The following TSHZ3 variants were observed in gnomAD, a reference collection of about 807,000 sequenced individuals.
TSHZ3 encodes teashirt zinc finger homeobox 3.
Under a neutral mutation model 64.5 loss-of-function variants are expected in TSHZ3, and 10 were observed. That is an observed-to-expected ratio of 0.16 (90% CI 0.10 to 0.26). The LOEUF is 0.26. Among genes scored for constraint, TSHZ3 ranks in the 10% least tolerant of loss-of-function variants. The pLI, the probability that TSHZ3 is intolerant of heterozygous loss-of-function variation, is 1.00. For missense variants in TSHZ3, 1,242 were observed against 1,421.7 expected (o/e 0.87, Z 2.03); for synonymous variants, 608 against 593.1 (o/e 1.03, Z -0.36).
In TSHZ3 at chr19:31,236,510, C is replaced by T. The variant is rs12975316; in HGVS notation, n.550+5759G>A. Reference sequence around the variant, plus strand: ...ATTTGGTCTTTATTGTTAAATTGTTCGAGTTCTTTTAAAATTTTGGATATT... The same window carrying T: ...ATTTGGTCTTTATTGTTAAATTGTTTGAGTTCTTTTAAAATTTTGGATATT... On this transcript the variant is annotated intron_variant and non_coding_transcript_variant, in intron 3 of 6. Coordinates refer to the TSHZ3 transcript ENST00000651361. Among the ~76,000 whole-genome samples, 1,063 of 152,140 alleles carry T rather than the reference C, an allele frequency of 7.0e-3. 7 individuals carry two copies. Among genetic ancestry groups the T allele is most frequent in the Non-Finnish European group, 0.01 (701 of 67,994 alleles).
chr19:31,171,525 T>TA (rs1974534762), intron 5 of TSHZ3, among the ~76,000 whole-genome samples: 1 of 151,896 alleles, frequency 6.6e-6, no homozygotes, highest in African/African-American at 2.4e-5. Flanking sequence ...AGAGAATCAG[T>TA]TTCCTGAGAA....
intron 1 of TSHZ3, among the ~76,000 whole-genome samples, chr19:31,331,256 G>A (rs980730137): frequency 1.3e-5 from 2 of 152,140 alleles, no homozygotes; most frequent in African/African-American, 2.4e-5. Context: ...AAACATGTCT[G>A]TAAAACCGCT....
At chr19:31,241,555 T>TG (rs976707679) in intron 3 of TSHZ3, among the ~76,000 whole-genome samples, 41 of 152,206 alleles carry the variant, frequency 2.7e-4, no homozygotes, top group African/African-American at 9.9e-4. Flanking sequence ...TCCATGCACG[T>TG]GCAGTCTGGT....
chr19:31,157,569 C>CA (rs1974321411), intron 5 of TSHZ3, among the ~76,000 whole-genome samples: 2 of 152,056 alleles, frequency 1.3e-5, no homozygotes, highest in East Asian at 1.9e-4. Flanking sequence ...ATCACCAATA[C>CA]AAAAAAATGT....
In TSHZ3 at chr19:31,184,150, A is replaced by G. The variant is rs764086980; in HGVS notation, n.809+20806T>C. On this transcript the variant is annotated intron_variant and non_coding_transcript_variant, in intron 5 of 6. Coordinates refer to the TSHZ3 transcript ENST00000651361. ...GGTGAGAGTTCAAAAGCAAAGACCA[A>G]AAAAGGATGTATTTTTTCTTTTTTG... is the stretch of plus-strand genomic sequence containing the variant. Among the ~76,000 whole-genome samples, 13 of 152,172 alleles carry G rather than the reference A, an allele frequency of 8.5e-5. 1 individual carries two copies. Among genetic ancestry groups the G allele is most frequent in the Admixed American group, 2.0e-4 (3 of 15,278 alleles).
intron 3 of TSHZ3, among the ~76,000 whole-genome samples, chr19:31,241,449 A>G (rs1904875393): frequency 6.6e-6 from 1 of 152,254 alleles, no homozygotes; most frequent in Admixed American, 6.5e-5. Flanking sequence ...ATCCAGCCCC[A>G]CCACACTGCC....
intron 1 of TSHZ3, among the ~76,000 whole-genome samples, chr19:31,249,823 GC>G (rs1975811928): frequency 6.6e-6 from 1 of 152,172 alleles, no homozygotes; most frequent in Non-Finnish European, 1.5e-5. Context: ...TGTAAAGACA[GC>G]ACTGTCCAGT....
intron 1 of TSHZ3, among the ~76,000 whole-genome samples, chr19:31,245,827 G>A (rs1975752160): frequency 6.6e-6 from 1 of 152,176 alleles, no homozygotes. Flanking sequence ...ATTCATTGCA[G>A]GTAGTGTGGC....
At chr19:31,268,285 T>A (rs561471590) in intron 1 of TSHZ3, among the ~76,000 whole-genome samples, 1 of 152,286 alleles carries the variant, frequency 6.6e-6, no homozygotes, top group Non-Finnish European at 1.5e-5. Context: ...GTGTGCTCTC[T>A]TTCTCCCTGG....
intron 1 of TSHZ3, among the ~76,000 whole-genome samples, chr19:31,286,856 G>A (rs575584200): frequency 2.0e-5 from 3 of 152,314 alleles, no homozygotes; most frequent in South Asian, 2.1e-4. Context: ...GATGACAAAC[G>A]TATCATGTCC....
intron 1 of TSHZ3, among the ~76,000 whole-genome samples, chr19:31,302,756 C>T (rs748320268): frequency 1.1e-4 from 16 of 152,106 alleles, no homozygotes; most frequent in Non-Finnish European, 2.4e-4. Flanking sequence ...CACATTCATC[C>T]TCAAATTGCA....
intron 4 of TSHZ3, among the ~76,000 whole-genome samples, chr19:31,225,164 T>C (rs191885572): frequency 6.6e-6 from 1 of 152,324 alleles, no homozygotes; most frequent in African/African-American, 2.4e-5. Context: ...CATTTAGAAG[T>C]GAGGCCATGT....
chr19:31,176,781 G>C (rs1389375452), intron 5 of TSHZ3, among the ~76,000 whole-genome samples: 2 of 151,990 alleles, frequency 1.3e-5, no homozygotes, highest in African/African-American at 4.8e-5. Flanking sequence ...CAGAGACTCT[G>C]TCTCTTAAAA....
chr19:31,312,861 C>T (rs950610672), intron 1 of TSHZ3, among the ~76,000 whole-genome samples: 4 of 152,148 alleles, frequency 2.6e-5, no homozygotes, highest in African/African-American at 9.7e-5. Flanking sequence ...AGGCATTAGA[C>T]TCCGGTAGGA....
chr19:31,288,248 A>T (rs975542120), intron 1 of TSHZ3, among the ~76,000 whole-genome samples: 5 of 152,160 alleles, frequency 3.3e-5, no homozygotes, highest in African/African-American at 1.2e-4. Flanking sequence ...ACTCATGCAC[A>T]CCAGTCTCTG....
intron 1 of TSHZ3, among the ~76,000 whole-genome samples, chr19:31,255,187 CAG>C (rs1305435660): frequency 6.6e-6 from 1 of 152,138 alleles, no homozygotes; most frequent in Non-Finnish European, 1.5e-5. Flanking sequence ...CCAAATTTTG[CAG>C]AGTGTTTTGA....
At chr19:31,293,030 A>AATCCATCCATCCATCCATCCATCCATCC (rs1042589257) in intron 1 of TSHZ3, among the ~76,000 whole-genome samples, 4 of 121,040 alleles carry the variant, frequency 3.3e-5, no homozygotes, top group Non-Finnish European at 5.3e-5. Flanking sequence ...TCCATCCAAA[A>AATCCATCCATCCATCCATCCATCCATCC]ATCCATCCAT....
At chr19:31,210,064 G>A (rs1975243760) in intron 4 of TSHZ3, among the ~76,000 whole-genome samples, 1 of 152,118 alleles carries the variant, frequency 6.6e-6, no homozygotes, top group South Asian at 2.1e-4. Context: ...GTTGGTAGAT[G>A]GGAGGGTGAA....
chr19:31,173,019 A>T (rs571779428), intron 5 of TSHZ3, among the ~76,000 whole-genome samples: 5 of 152,338 alleles, frequency 3.3e-5, no homozygotes, highest in South Asian at 4.1e-4. Context: ...TAAGGGCTCT[A>T]GCTCATGCTT....
Sources: allele counts gnomAD v4.1 joint callset (sites outside exome capture counted in the v4.1 genomes callset), GRCh38; gene constraint gnomAD v4.1.1; transcripts MANE v1.5; gene names NCBI Gene and HGNC (gene_info 2026-07-23, HGNC 2026-07-21).